Variants in TRAPPC9 observed in about 807,000 individuals in gnomAD.
TRAPPC9 encodes the protein trafficking protein particle complex subunit 9, also known as IKK2 binding protein.
In TRAPPC9, 83 loss-of-function variants were observed where a neutral mutation model predicts 124.0. That is an observed-to-expected ratio of 0.67 (90% CI 0.56 to 0.80). The LOEUF (loss-of-function observed/expected upper bound fraction) is 0.80, where lower values mean the gene tolerates loss of function less well. Among genes scored for constraint, TRAPPC9 ranks in the 30% least tolerant of loss-of-function variants. The pLI is 0.00. For synonymous variants in TRAPPC9, 638 were observed against 617.5 expected, an observed-to-expected ratio of 1.03 and a Z score of -0.49; for missense variants, 1,302 against 1,508.3, an observed-to-expected ratio of 0.86 and a Z score of 2.27.
At chr8:140,124,021 T>C (rs567384747) in intron 17 of TRAPPC9, among the ~76,000 whole-genome samples, 1 of 152,348 alleles carries the variant, frequency 6.6e-6, no homozygotes, top group Non-Finnish European at 1.5e-5. Context: ...CACCAGGACT[T>C]TGCTCACCTT....
chr8:140,291,153 T>C (rs772831282), intron 11 of TRAPPC9, 75 bp from the exon 12 acceptor site: 109 of 1,340,268 alleles, frequency 8.1e-5, no homozygotes, highest in Non-Finnish European at 1.1e-4. Context: ...TTTCCAATTA[T>C]TCCTCTGGCA....
chr8:140,413,365 G>A (rs966569732), intron 5 of TRAPPC9, among the ~76,000 whole-genome samples: 1 of 151,978 alleles, frequency 6.6e-6, no homozygotes, highest in South Asian at 2.1e-4. Context: ...TCCAGCCTGG[G>A]CAACAAAAGC....
intron 5 of TRAPPC9, among the ~76,000 whole-genome samples, chr8:140,412,894 T>C (rs2069757911): frequency 6.6e-6 from 1 of 152,084 alleles, no homozygotes; most frequent in Non-Finnish European, 1.5e-5. Flanking sequence ...ATGGGGAAGA[T>C]AAATTACAAA....
At chr8:139,754,149 C>A (rs1005177576) in intron 21 of TRAPPC9, among the ~76,000 whole-genome samples, 12 of 152,180 alleles carry the variant, frequency 7.9e-5, no homozygotes, top group African/African-American at 2.4e-4. Flanking sequence ...AAGGCCCCCC[C>A]AGCCTGCTGC....
chr8:139,827,815 G>C (rs537802184), intron 21 of TRAPPC9, among the ~76,000 whole-genome samples: 2 of 152,294 alleles, frequency 1.3e-5, no homozygotes, highest in Non-Finnish European at 2.9e-5. Context: ...GCTGTACAGG[G>C]AGCATGGTAC....
At chr8:139,903,335 C>G (rs548715216) in intron 20 of TRAPPC9, among the ~76,000 whole-genome samples, 1 of 152,236 alleles carries the variant, frequency 6.6e-6, no homozygotes, top group East Asian at 1.9e-4. Context: ...ATGGAGGAGG[C>G]GGATGCGCCT....
intron 18 of TRAPPC9, among the ~76,000 whole-genome samples, chr8:140,016,194 A>G (rs1006984899): frequency 6.6e-6 from 1 of 152,254 alleles, no homozygotes; most frequent in African/African-American, 2.4e-5. Context: ...TAAAATTTAC[A>G]TACAACGAAA....
intron 17 of TRAPPC9, among the ~76,000 whole-genome samples, chr8:140,067,143 G>GTTTGT (rs770044839): frequency 4.3e-4 from 66 of 152,032 alleles, no homozygotes; most frequent in Non-Finnish European, 9.3e-4. Context: ...ATCTTCTAAG[G>GTTTGT]TTTGTTTTGT....
rs537589542 is a variant in TRAPPC9 at position 139,957,254 on chromosome 8, C to T, written c.2810+31472G>A. 3.3e-5 allele frequency among the ~76,000 whole-genome samples: 5 copies of T among 152,324 alleles called. 1 individual carries two copies. The East Asian group carries it at 5.8e-4, about 18-fold the overall frequency. ...GGAGGGTGCCATGAGCAGGGAGGGC[C>T]GCGTACCTGCCCTGCAGCCTTGGGG... On this transcript the variant is annotated intron_variant, in intron 19 of 22. Coordinates refer to ENST00000438773, the MANE Select transcript of TRAPPC9 (RefSeq NM_001160372.4).
At chr8:139,823,731 T>C (rs537648027) in intron 21 of TRAPPC9, among the ~76,000 whole-genome samples, 10 of 152,300 alleles carry the variant, frequency 6.6e-5, no homozygotes, top group Non-Finnish European at 1.3e-4. Flanking sequence ...TTTCCAGGTA[T>C]GGGGCTGACG....
In TRAPPC9 at chr8:139,984,975, A is replaced by C. The variant is rs899260022; in HGVS notation, c.2810+3751T>G. Among the ~76,000 whole-genome samples, 2 of 152,200 alleles carry C rather than the reference A, an allele frequency of 1.3e-5. No homozygotes were observed. The highest frequency in any genetic ancestry group is 1.3e-4 in the Admixed American group (2 of 15,284). ...TAGACACTTGTCCCAATGTGTTGCC[A>C]ATCCCCAGCGAGGAGGGGCCCTTAT... On this transcript the variant is annotated intron_variant, in intron 19 of 22. Coordinates refer to ENST00000438773, the MANE Select transcript of TRAPPC9 (RefSeq NM_001160372.4). The surrounding 1 kb of genome is among the most constrained non-coding windows in gnomAD (Gnocchi z 4.3).
chr8:140,188,151 T>A (rs2062393857), intron 17 of TRAPPC9, among the ~76,000 whole-genome samples: 3 of 152,308 alleles, frequency 2.0e-5, no homozygotes, highest in South Asian at 4.1e-4. Context: ...CGAGCAGGAA[T>A]AGAATATTCT....
intron 17 of TRAPPC9, among the ~76,000 whole-genome samples, chr8:140,121,851 C>G (rs192979476): frequency 4.9e-4 from 74 of 152,202 alleles, no homozygotes; most frequent in African/African-American, 1.6e-3. Context: ...TCCCATGATC[C>G]CTACCCTCTG....
At chr8:139,975,325 C>G (rs1836371016) in intron 19 of TRAPPC9, among the ~76,000 whole-genome samples, 1 of 152,202 alleles carries the variant, frequency 6.6e-6, no homozygotes, top group Non-Finnish European at 1.5e-5. Context: ...GTCAGAGCAC[C>G]TGGAGGGCCT....
chr8:139,831,448 A>T (rs28630822), intron 21 of TRAPPC9, among the ~76,000 whole-genome samples: 56,612 of 152,192 alleles, frequency 0.37, 15,602 homozygotes, highest in African/African-American at 0.77. Flanking sequence ...CATGCATGCA[A>T]GCACGCACAC....
intron 21 of TRAPPC9, among the ~76,000 whole-genome samples, chr8:139,785,441 T>TA (rs1822155838): frequency 6.6e-6 from 1 of 152,250 alleles, no homozygotes; most frequent in African/African-American, 2.4e-5. Flanking sequence ...CTCACACCTG[T>TA]AATCCCAGCA....
At chr8:139,850,156 C>T (rs954425029) in intron 21 of TRAPPC9, among the ~76,000 whole-genome samples, 1 of 152,232 alleles carries the variant, frequency 6.6e-6, no homozygotes, top group Non-Finnish European at 1.5e-5. Flanking sequence ...TTTCTCACCT[C>T]ATACATATGA....
rs1030896778 is a variant in TRAPPC9, at chr8:140,382,336, T to G, written c.1135-11156A>C. The stretch of plus-strand genomic sequence containing the variant: ...GCATCGAGCATGGGCCGAAGCAGGA[T>G]GAGGCATCGCCTCACCCAGGAAGCG... On this transcript the variant is annotated intron_variant, in intron 7 of 22. Transcript: ENST00000438773. Among the ~76,000 whole-genome samples, 11 of 152,360 alleles carry G rather than the reference T, an allele frequency of 7.2e-5. No individual in the cohort carries two copies. The South Asian group carries it at 2.3e-3, about 32-fold the overall frequency.
intron 7 of TRAPPC9, among the ~76,000 whole-genome samples, chr8:140,373,969 G>A (rs191763055): frequency 4.3e-4 from 66 of 152,292 alleles, no homozygotes; most frequent in Non-Finnish European, 7.6e-4. Flanking sequence ...GTCTGTTGCC[G>A]ATTTATTTCC....
Sources: gnomAD v4.1 joint callset for allele counts (sites outside exome capture counted in the v4.1 genomes callset) on GRCh38, gnomAD v4.1.1 for gene constraint, Gnocchi (gnomAD v3.1) non-coding constraint, MANE v1.5 for transcripts, NCBI Gene and HGNC (gene_info 2026-07-23, HGNC 2026-07-21) for gene names.